SLCO1B3: variants seen among roughly 807,000 people sequenced by gnomAD.
SLCO1B3 encodes the protein solute carrier organic anion transporter family member 1B3, also known as liver-specific organic anion transporter 2.
In SLCO1B3, 72 loss-of-function variants were observed where a neutral mutation model predicts 71.8. The ratio of observed to expected loss-of-function variants is 1.00; its 90% CI spans 0.83 to 1.22. The LOEUF is 1.22. SLCO1B3 is among the 50% of genes most tolerant of loss of function. The probability of loss-of-function intolerance (pLI) is 0.00; values close to 1 mark genes in which losing one functional copy is unlikely to be tolerated. For synonymous variants in SLCO1B3, 298 were observed against 278.4 expected (o/e 1.07, Z -0.70); for missense variants, 911 against 819.7 (o/e 1.11, Z -1.36).
chr12:20,860,996 A>G lies in SLCO1B3; in HGVS notation c.360-21A>G, dbSNP rs756950887. The G allele has an allele frequency of 1.9e-6, 3 of 1,543,352 alleles. No homozygotes were observed. The South Asian group carries it at 3.6e-5, about 19-fold the overall frequency. ...TATTCAGTAGATAAGCAAAATGTTCAATTTCATGTTGCTCTTACAGTTATA... is the reference window on the plus strand; with the variant it reads ...TATTCAGTAGATAAGCAAAATGTTCGATTTCATGTTGCTCTTACAGTTATA... On this transcript the variant is annotated intron_variant, in intron 5 of 15. Coordinates refer to ENST00000381545, the MANE Select transcript of SLCO1B3 (RefSeq NM_019844.4).
At chr12:20,891,187 C>G (rs1413684919) in intron 13 of SLCO1B3, among the ~76,000 whole-genome samples, 3 of 152,106 alleles carry the variant, frequency 2.0e-5, no homozygotes, top group African/African-American at 7.2e-5. Flanking sequence ...AGAACTCCTT[C>G]AAGCCTTTCT....
intron 1 of SLCO1B3, among the ~76,000 whole-genome samples, chr12:20,811,142 C>T (rs1029965117): frequency 1.3e-5 from 2 of 152,074 alleles, no homozygotes; most frequent in Non-Finnish European, 2.9e-5. Flanking sequence ...ATACCAGGCT[C>T]CCTATTTCTT....
chr12:20,892,109 T>C (rs1865916826), intron 13 of SLCO1B3, among the ~76,000 whole-genome samples: 1 of 152,136 alleles, frequency 6.6e-6, no homozygotes, highest in Non-Finnish European at 1.5e-5. Context: ...TTGTGGTCCT[T>C]TGGACCTTTA....
chr12:20,901,207 C>A lies in SLCO1B3; in HGVS notation c.1748-143C>A. Reference sequence around the variant, plus strand: ...TTGCGATTTCTAATAATTTTGATTCCTGGGTGGATGTAAGCCAAACCAATG... The same window carrying A: ...TTGCGATTTCTAATAATTTTGATTCATGGGTGGATGTAAGCCAAACCAATG... On this transcript the variant is annotated intron_variant, in intron 14 of 15. Coordinates refer to ENST00000381545, the MANE Select transcript of SLCO1B3 (RefSeq NM_019844.4). 6.6e-6 allele frequency: 4 copies of A among 603,276 alleles called. No homozygotes were observed. In the Admixed American group the frequency reaches 1.3e-4, roughly 20 times the overall value. 37.4% of individuals were successfully genotyped at this position (603,276 alleles called of 1,614,324 possible).
chr12:20,879,828 A>G (rs1276210237), intron 11 of SLCO1B3, among the ~76,000 whole-genome samples, 197 bp downstream of exon 11: 1 of 152,142 alleles, frequency 6.6e-6, no homozygotes, highest in Non-Finnish European at 1.5e-5. Flanking sequence ...AGGAAAAGCA[A>G]CATCGGTTGA....
chr12:20,855,138 T>C lies in SLCO1B3; in HGVS notation c.195T>C (p.Leu65=). 6.2e-7 allele frequency: 1 copy of C among 1,611,264 alleles called. No homozygotes were observed. The change falls in exon 4 of 16, where the codon CTT becomes CTC. Residue 65 remains leucine, a synonymous_variant. Transcript: ENST00000381545. ...GGAGATTTGACATATCCTCTTCTCTTGCTGGTTTAATTGATGGAAGCTTTG... is the reference window on the plus strand; with the variant it reads ...GGAGATTTGACATATCCTCTTCTCTCGCTGGTTTAATTGATGGAAGCTTTG... ...IERRFDISSS[L]AGLIDGSFEI...
chr12:20,857,563 C>T (rs1865166493), intron 4 of SLCO1B3, among the ~76,000 whole-genome samples: 1 of 151,644 alleles, frequency 6.6e-6, no homozygotes, highest in African/African-American at 2.4e-5. Flanking sequence ...TTATTGTTGT[C>T]TTATTATTTT....
chr12:20,844,383 G>T (rs1378927574), intron 3 of SLCO1B3, among the ~76,000 whole-genome samples: 1 of 150,000 alleles, frequency 6.7e-6, no homozygotes, highest in South Asian at 2.1e-4. Context: ...CCTGGCCAAG[G>T]TTGTGAAACC....
chr12:20,894,787 A>G (rs1381836742), intron 13 of SLCO1B3, among the ~76,000 whole-genome samples: 1 of 152,144 alleles, frequency 6.6e-6, no homozygotes, highest in Non-Finnish European at 1.5e-5. Flanking sequence ...CTCTTTATGA[A>G]ATAAACTTCC....
intron 3 of SLCO1B3, among the ~76,000 whole-genome samples, chr12:20,831,928 C>T (rs1018916329): frequency 1.3e-5 from 2 of 152,136 alleles, no homozygotes; most frequent in Admixed American, 6.5e-5. Context: ...TACCACAGTT[C>T]CATCAACCAG....
Position 20,883,564 on chromosome 12 carries a change from T to C in SLCO1B3, c.1644T>C (p.Ser548=), listed in dbSNP as rs1161875064. The change falls in exon 13 of 16, where the codon TCT becomes TCC. Residue 548 remains serine, a synonymous_variant. Transcript: ENST00000381545. ...TTCAAGTCATAAACTCTTTGTTCTC[T>C]GCAACAGGAGGTACCACATTTATCT... The part of the protein sequence containing the change: ...VAIQVINSLF[S]ATGGTTFILL... 1.2e-6 allele frequency: 2 copies of C among 1,600,738 alleles called. No individual in the cohort carries two copies. Among genetic ancestry groups the C allele is most frequent in the South Asian group, 2.3e-5 (2 of 88,300 alleles).
At chr12:20,824,195 G>T (rs1864376209) in intron 3 of SLCO1B3, among the ~76,000 whole-genome samples, 1 of 152,072 alleles carries the variant, frequency 6.6e-6, no homozygotes, top group Non-Finnish European at 1.5e-5. Flanking sequence ...AGCTTAAAAG[G>T]AAAGTTTTCT....
chr12:20,905,218 G>T (rs7957904), intron 15 of SLCO1B3, among the ~76,000 whole-genome samples: 11,816 of 152,100 alleles, frequency 0.078, 1,310 homozygotes, highest in African/African-American at 0.25. Context: ...AGGGCCCTGG[G>T]CCTGACCCAC....
chr12:20,881,947 A>G lies in SLCO1B3; in HGVS notation c.1497+927A>G, dbSNP rs1054390646. On this transcript the variant is annotated intron_variant, in intron 12 of 15. Coordinates refer to ENST00000381545, the MANE Select transcript of SLCO1B3 (RefSeq NM_019844.4). ...TCCTACCAACGTATTATTAAACGGC[A>G]TGGAGAAATTTGAAGAATAAAGCCT... Among the ~76,000 whole-genome samples, 27 of 152,208 alleles carry G rather than the reference A, an allele frequency of 1.8e-4. 1 individual carries two copies. The highest frequency in any genetic ancestry group is 6.3e-4 in the African/African-American group (26 of 41,466).
chr12:20,860,307 A>G (rs1865234596), intron 5 of SLCO1B3, among the ~76,000 whole-genome samples: 1 of 151,998 alleles, frequency 6.6e-6, no homozygotes, highest in Non-Finnish European at 1.5e-5. Flanking sequence ...TTGTATATTA[A>G]ATTTACTATA....
intron 8 of SLCO1B3, among the ~76,000 whole-genome samples, chr12:20,866,177 G>A (rs1040692336): frequency 3.3e-5 from 5 of 152,190 alleles, no homozygotes; most frequent in Middle Eastern, 3.4e-3. Context: ...GCAAAGAAAA[G>A]TCATGACATT....
intron 8 of SLCO1B3, 40 bp from the exon 9 acceptor site, chr12:20,875,195 A>G (rs1341533637): frequency 1.2e-6 from 2 of 1,609,662 alleles, no homozygotes; most frequent in Admixed American, 1.7e-5. Context: ...CTGTATTTCA[A>G]AACGATTTTT....
intron 3 of SLCO1B3, among the ~76,000 whole-genome samples, chr12:20,837,973 T>C (rs1302899818): frequency 6.6e-6 from 1 of 152,086 alleles, no homozygotes; most frequent in Non-Finnish European, 1.5e-5. Context: ...CTTGCAGTTC[T>C]ACCAGTTTTT....
rs975966912 is a variant in SLCO1B3 at position 20,879,778 on chromosome 12, A to C, written c.1331+147A>C. 8 of 622,532 alleles carry C rather than the reference A, an allele frequency of 1.3e-5. No homozygotes were observed. In the African/African-American group the frequency reaches 1.5e-4, roughly 12 times the overall value. The allele number at this position is 622,532 out of a possible 1,614,324, so 38.6% of individuals were successfully genotyped here. On this transcript the variant is annotated intron_variant, in intron 11 of 15. Transcript: ENST00000381545. ...CAATTTTCAAATTCTTAAAATGTCC[A>C]TTTCCTAAGACAATAAAAATTTGTT...
Sources: gnomAD v4.1 joint callset for allele counts (sites outside exome capture counted in the v4.1 genomes callset) on GRCh38, gnomAD v4.1.1 for gene constraint, MANE v1.5 for transcripts, NCBI Gene and HGNC (gene_info 2026-07-23, HGNC 2026-07-21) for gene names.